SYT17: variants seen among roughly 807,000 people sequenced by gnomAD.
The protein encoded by SYT17 is synaptotagmin 17, also known as synaptotagmin-17.
A neutral mutation model predicts 46.7 loss-of-function variants in SYT17; 22 were observed. The ratio of observed to expected loss-of-function variants is 0.47; its 90% confidence interval spans 0.34 to 0.67. The LOEUF is 0.67. SYT17 is among the 30% of genes least tolerant of loss of function. The pLI is 0.01. For synonymous variants in SYT17, 251 were observed against 248.4 expected, an observed-to-expected ratio of 1.01 and a Z score of -0.10; for missense variants, 519 against 612.8, an observed-to-expected ratio of 0.85 and a Z score of 1.62.
At chr16:19,263,682 A>G (rs1045553039) in intron 7 of SYT17, among the ~76,000 whole-genome samples, 2 of 151,896 alleles carry the variant, frequency 1.3e-5, no homozygotes, top group Admixed American at 1.3e-4. Context: ...AAACTTGGAC[A>G]TAAATGTTTA....
At chr16:19,174,693 T>C (rs1964244214) in intron 3 of SYT17, among the ~76,000 whole-genome samples, 1 of 152,226 alleles carries the variant, frequency 6.6e-6, no homozygotes, top group Non-Finnish European at 1.5e-5. Flanking sequence ...CTGTGTGCCT[T>C]GATTTCCCAT....
At chr16:19,172,887 C>T in intron 2 of SYT17, 110 bp downstream of exon 2, 1 of 1,349,996 alleles carries the variant, frequency 7.4e-7, no homozygotes, top group African/African-American at 1.4e-5. Flanking sequence ...CAACAATAAC[C>T]TGGTGTTAAT....
rs192727160 is a variant in SYT17, at chr16:19,263,566, G to A, written c.1229-3314G>A. Reference sequence around the variant, plus strand: ...GAGGCAGGAGAATCACTTGAGCCCGGGAGGCAGAGGTTGCAGTGAGCCGAG... The same window carrying A: ...GAGGCAGGAGAATCACTTGAGCCCGAGAGGCAGAGGTTGCAGTGAGCCGAG... On this transcript the variant is annotated intron_variant, in intron 7 of 7. Coordinates refer to ENST00000355377, the MANE Select transcript of SYT17 (RefSeq NM_016524.4). 5.8e-3 allele frequency among the ~76,000 whole-genome samples: 872 copies of A among 150,752 alleles called. 15 individuals carry two copies. Among genetic ancestry groups the A allele is most frequent in the African/African-American group, 0.021 (840 of 40,856 alleles).
intron 4 of SYT17, among the ~76,000 whole-genome samples, chr16:19,182,852 G>A (rs1373849072): frequency 6.6e-6 from 1 of 152,172 alleles, no homozygotes; most frequent in Admixed American, 6.5e-5. Flanking sequence ...CTGTGCCTAC[G>A]GGCACATTCT....
intron 7 of SYT17, among the ~76,000 whole-genome samples, chr16:19,233,008 T>A (rs986553970): frequency 6.6e-6 from 1 of 152,050 alleles, no homozygotes. Flanking sequence ...GCGTCTGGGT[T>A]TTTTGGGGTT....
At chr16:19,260,489 G>T (rs1968890713) in intron 7 of SYT17, among the ~76,000 whole-genome samples, 1 of 111,134 alleles carries the variant, frequency 9.0e-6, no homozygotes, top group South Asian at 3.1e-4. Flanking sequence ...GGGTAACAGA[G>T]AGAGACCTTG....
At chr16:19,216,629 G>A (rs1016981650) in intron 5 of SYT17, among the ~76,000 whole-genome samples, 4 of 152,034 alleles carry the variant, frequency 2.6e-5, no homozygotes, top group South Asian at 4.1e-4. Flanking sequence ...GAGAACATGC[G>A]GTGTTTGGTT....
chr16:19,233,262 G>C (rs1412870496), intron 7 of SYT17, among the ~76,000 whole-genome samples: 1 of 152,170 alleles, frequency 6.6e-6, no homozygotes, highest in Non-Finnish European at 1.5e-5. Context: ...TGGGTGGGAA[G>C]GCACGGCGGG....
intron 7 of SYT17, among the ~76,000 whole-genome samples, chr16:19,260,503 CAAAAAAAAAAAAA>C (rs58392770): frequency 0.029 from 2,183 of 76,218 alleles, 44 homozygotes; most frequent in Admixed American, 0.089. Context: ...GACCTTGTCT[CAAAAAAAAAAAAA>C]AAAAAAAAAA....
chr16:19,262,187 G>A (rs1053830598), intron 7 of SYT17, among the ~76,000 whole-genome samples: 5 of 152,220 alleles, frequency 3.3e-5, no homozygotes, highest in African/African-American at 1.2e-4. Flanking sequence ...TGCTGCTATG[G>A]TCTGAATGTT....
intron 3 of SYT17, among the ~76,000 whole-genome samples, chr16:19,177,596 C>G (rs530368407): frequency 6.6e-6 from 1 of 152,254 alleles, no homozygotes; most frequent in Non-Finnish European, 1.5e-5. Flanking sequence ...GACATTTGAG[C>G]CAAGAACCAT....
At chr16:19,182,758 T>C (rs1964607569) in intron 4 of SYT17, among the ~76,000 whole-genome samples, 1 of 152,180 alleles carries the variant, frequency 6.6e-6, no homozygotes, top group Admixed American at 6.5e-5. Context: ...ATTCTGCTGG[T>C]TCATGGAAGG....
intron 2 of SYT17, 142 bp from the exon 3 acceptor site, chr16:19,173,288 A>G: frequency 3.3e-6 from 2 of 600,018 alleles, no homozygotes; most frequent in Non-Finnish European, 5.7e-6. Context: ...GCTGAGCAGC[A>G]GAGCCAGAAC....
intron 7 of SYT17, among the ~76,000 whole-genome samples, chr16:19,249,255 C>T (rs532891735): frequency 6.6e-6 from 1 of 151,198 alleles, no homozygotes; most frequent in African/African-American, 2.4e-5. Context: ...GCCTGGGCGA[C>T]AGAGCGAGAC....
At chr16:19,262,872 A>G (rs548316639) in intron 7 of SYT17, among the ~76,000 whole-genome samples, 1 of 152,278 alleles carries the variant, frequency 6.6e-6, no homozygotes, top group African/African-American at 2.4e-5. Context: ...GACACTATCT[A>G]TAGAAACCAT....
intron 3 of SYT17, among the ~76,000 whole-genome samples, chr16:19,175,473 A>G (rs972371781): frequency 6.6e-6 from 1 of 151,976 alleles, no homozygotes; most frequent in African/African-American, 2.4e-5. Context: ...GGGCAACACG[A>G]TGAGACCCCT....
intron 7 of SYT17, among the ~76,000 whole-genome samples, chr16:19,256,168 G>A (rs950602548): frequency 2.0e-5 from 3 of 152,280 alleles, no homozygotes; most frequent in African/African-American, 7.2e-5. Flanking sequence ...TATGTGATAA[G>A]CACTATAGAA....
chr16:19,243,818 TCAAAAAA>T (rs565923910), intron 7 of SYT17, among the ~76,000 whole-genome samples: 2,365 of 21,348 alleles, frequency 0.11, 91 homozygotes, highest in African/African-American at 0.23. Context: ...AAAAACTCCA[TCAAAAAA>T]AAAAAAAAAA....
intron 5 of SYT17, among the ~76,000 whole-genome samples, chr16:19,197,573 T>G (rs1045282116): frequency 2.4e-4 from 37 of 152,034 alleles, no homozygotes; most frequent in African/African-American, 8.9e-4. Flanking sequence ...CTCAGCCTCC[T>G]GAGTAGCTGG....
Sources: gnomAD v4.1 joint callset for allele counts (sites outside exome capture counted in the v4.1 genomes callset) on GRCh38, gnomAD v4.1.1 for gene constraint, MANE v1.5 for transcripts, NCBI Gene and HGNC (gene_info 2026-07-23, HGNC 2026-07-21) for gene names.